The following LNX2 variants were observed in gnomAD, a reference collection of about 807,000 sequenced individuals.
LNX2 encodes the protein ligand of Numb protein X 2.
Under a neutral mutation model 66.2 loss-of-function variants are expected in LNX2, and 35 were observed. The ratio of observed to expected loss-of-function variants is 0.53; its 90% CI spans 0.40 to 0.70. The LOEUF (loss-of-function observed/expected upper bound fraction) is 0.70. Among genes scored for constraint, LNX2 ranks in the 30% least tolerant of loss-of-function variants. LNX2 has a pLI of 0.00. For missense variants in LNX2, 791 were observed against 850.8 expected, an observed-to-expected ratio of 0.93 and a Z score of 0.87; for synonymous variants, 337 against 315.6, an observed-to-expected ratio of 1.07 and a Z score of -0.72.
chr13:27,572,581 T>C (rs1043133436), intron 2 of LNX2, among the ~76,000 whole-genome samples: 3 of 152,150 alleles, frequency 2.0e-5, no homozygotes, highest in Non-Finnish European at 4.4e-5. Context: ...CAAATAGGGA[T>C]TTTTCCTTTC....
chr13:27,582,962 CT>C (rs1206736831), intron 1 of LNX2, among the ~76,000 whole-genome samples: 2 of 152,222 alleles, frequency 1.3e-5, no homozygotes, highest in East Asian at 3.9e-4. Flanking sequence ...TGAATACTCT[CT>C]CCATATGTCA....
At chr13:27,609,840 T>C (rs1303389335) in intron 1 of LNX2, among the ~76,000 whole-genome samples, 1 of 152,196 alleles carries the variant, frequency 6.6e-6, no homozygotes, top group East Asian at 1.9e-4. Flanking sequence ...TTTCTTAATG[T>C]TATCATACTC....
At position 27,548,448 on chromosome 13, in the gene LNX2, C is replaced by T. The variant is rs746076926; in HGVS notation, c.1960G>A (p.Val654Ile). Residue 654 changes from valine to isoleucine, a missense_variant, in exon 10 of 10, where the codon GTA (valine) becomes ATA (isoleucine). Coordinates refer to ENST00000316334, the MANE Select transcript of LNX2 (RefSeq NM_153371.4). ...ATGCCCACGGTTGACAGCCCATTTA[C>T]GGCCACAATCATGTCACCACACCTG... ...RLKCGDMIVA[V>I]NGLSTVGMSH... The T allele has an allele frequency of 7.4e-6, 12 of 1,613,808 alleles. No homozygotes were observed. The highest frequency in any genetic ancestry group is 4.0e-5 in the African/African-American group (3 of 74,914).
At chr13:27,608,253 G>C (rs1024699194) in intron 1 of LNX2, among the ~76,000 whole-genome samples, 7 of 152,144 alleles carry the variant, frequency 4.6e-5, no homozygotes, top group African/African-American at 7.2e-5. Context: ...ATTTTGCCTT[G>C]TCACAACTCT....
chr13:27,607,064 C>T (rs1030979185), intron 1 of LNX2, among the ~76,000 whole-genome samples: 3 of 152,050 alleles, frequency 2.0e-5, no homozygotes, highest in African/African-American at 7.2e-5. Context: ...AAGTTATTTC[C>T]TATCATAAAA....
At position 27,583,215 on chromosome 13, in the gene LNX2, T is replaced by TGCGCGCGC. The variant is rs1449791231; in HGVS notation, c.-100-1413_-100-1412insGCGCGCGC. Among the ~76,000 whole-genome samples the TGCGCGCGC allele has an allele frequency of 6.3e-3, 144 of 22,992 alleles. 22 individuals carry two copies. Among genetic ancestry groups the TGCGCGCGC allele is most frequent in the Middle Eastern group, 0.022 (1 of 46 alleles). The allele number at this position is 22,992 out of a possible 152,430, so 15.1% of individuals were successfully genotyped here. A position where few individuals can be genotyped will look rare whatever the true frequency, so the allele number is the denominator to read the frequency against. On this transcript the variant is annotated intron_variant, in intron 1 of 9. Coordinates refer to ENST00000316334, the MANE Select transcript of LNX2 (RefSeq NM_153371.4). ...GTGTGTGTGTGTGTGTGTGTGTGTGTGTGTGTGTGTGTGTGTGTGTGTGTG... is the reference window on the plus strand; with the variant it reads ...GTGTGTGTGTGTGTGTGTGTGTGTGTGCGCGCGCGTGTGTGTGTGTGTGTGTGTGTGTG...
intron 3 of LNX2, among the ~76,000 whole-genome samples, chr13:27,568,581 A>C (rs188785979): frequency 3.3e-5 from 5 of 152,268 alleles, no homozygotes; most frequent in South Asian, 4.1e-4. Flanking sequence ...TAAAAAAAAA[A>C]CAAAAACCCA....
At chr13:27,559,347 C>T (rs183437766) in intron 6 of LNX2, among the ~76,000 whole-genome samples, 11 of 139,366 alleles carry the variant, frequency 7.9e-5, no homozygotes, top group Admixed American at 3.5e-4. Context: ...CTATCAAATA[C>T]GTAAATATGC....
At chr13:27,556,745 A>G (rs1254811592) in intron 6 of LNX2, among the ~76,000 whole-genome samples, 1 of 152,194 alleles carries the variant, frequency 6.6e-6, no homozygotes, top group Non-Finnish European at 1.5e-5. Context: ...GATGCTTTTG[A>G]GTTTTAAGAT....
At chr13:27,595,874 C>G in intron 1 of LNX2, among the ~76,000 whole-genome samples, 1 of 152,172 alleles carries the variant, frequency 6.6e-6, no homozygotes, top group South Asian at 2.1e-4. Context: ...CCCTGGCCCC[C>G]AACAACATAC....
At chr13:27,554,712 G>A (rs1353766665) in intron 7 of LNX2, among the ~76,000 whole-genome samples, 1 of 152,092 alleles carries the variant, frequency 6.6e-6, no homozygotes, top group African/African-American at 2.4e-5. Context: ...ACAAGTTTTC[G>A]TATGAACAGC....
chr13:27,589,067 A>G (rs1212439709), intron 1 of LNX2, among the ~76,000 whole-genome samples: 1 of 152,240 alleles, frequency 6.6e-6, no homozygotes, highest in East Asian at 1.9e-4. Flanking sequence ...TGACTGATAT[A>G]CAGCATCGAA....
chr13:27,559,872 T>C lies in LNX2; in HGVS notation c.1338A>G (p.Pro446=), dbSNP rs1312484549. 1 of 1,607,494 alleles carries C rather than the reference T, an allele frequency of 6.2e-7. No homozygotes were observed. Among genetic ancestry groups the C allele is most frequent in the Non-Finnish European group, 8.5e-7 (1 of 1,175,944 alleles). ...HSSSSQHHTP[P]PYYSRPSSHK... is the part of the protein sequence containing the mutation. Reference sequence around the variant, plus strand: ...GTGAGCTTGGTCTGCTATAATACGGTGGTGGTGTGTGGTGCTGGCTGCTGC... The same window carrying C: ...GTGAGCTTGGTCTGCTATAATACGGCGGTGGTGTGTGGTGCTGGCTGCTGC... Residue 446 remains proline (P), a synonymous_variant, in exon 6 of 10, where the codon CCA becomes CCG. Transcript: ENST00000316334.
rs774446084 is a variant in LNX2, at chr13:27,581,738, TC to T, written c.-36del. The T allele has an allele frequency of 1.8e-5, 27 of 1,534,142 alleles. No individual in the cohort carries two copies. The highest frequency in any genetic ancestry group is 2.3e-5 in the Non-Finnish European group (26 of 1,137,920). ...ATTCTGTATCCTCATGTGTTAGACTTCCACTTCACGCTTGGTTTCCTTTAAC... is the reference window on the plus strand; with the variant it reads ...ATTCTGTATCCTCATGTGTTAGACTTCACTTCACGCTTGGTTTCCTTTAAC... On this transcript the variant is annotated 5_prime_UTR_variant, in exon 2 of 10. Coordinates refer to ENST00000316334, the MANE Select transcript of LNX2 (RefSeq NM_153371.4).
At position 27,546,220 on chromosome 13, in the gene LNX2, C is replaced by T. The variant is rs1229960371; in HGVS notation, c.*2115G>A. 5 of 151,966 alleles carry T rather than the reference C, an allele frequency of 3.3e-5. No individual in the cohort carries two copies. The highest frequency in any genetic ancestry group is 7.3e-5 in the African/African-American group (3 of 41,362). The allele number at this position is 151,966 out of a possible 1,614,324, so 9.4% of individuals were successfully genotyped here. ...TCTTCTTTCAAAATACTCATTATGC[C>T]ACCAGGTTCAATGTAAGTATTTTGT... On this transcript the variant is annotated 3_prime_UTR_variant, in exon 10 of 10. Transcript: ENST00000316334.
Position 27,553,365 on chromosome 13 carries a change from C to T in LNX2, c.1621G>A (p.Ala541Thr), listed in dbSNP as rs749278489. The stretch of plus-strand genomic sequence containing the variant: ...GCAACAGCAGGGGACGCGGCACTGG[C>T]TTTCAGCATTGCAACTGCCTCACTG... ...SHSEAVAMLK[A>T]SAASPAVALK... The change falls in exon 8 of 10, where the codon GCC (alanine) becomes ACC (threonine). Residue 541 changes from alanine to threonine, a missense_variant. Transcript: ENST00000316334. The T allele has an allele frequency of 1.2e-6, 2 of 1,614,182 alleles. No individual in the cohort carries two copies. Among genetic ancestry groups the T allele is most frequent in the East Asian group, 2.2e-5 (1 of 44,876 alleles).
chr13:27,556,743 T>C (rs1484515492), intron 6 of LNX2, among the ~76,000 whole-genome samples: 2 of 152,218 alleles, frequency 1.3e-5, no homozygotes, highest in Admixed American at 6.5e-5. Context: ...ATGATGCTTT[T>C]GAGTTTTAAG....
At chr13:27,587,569 G>A (rs1955501221) in intron 1 of LNX2, among the ~76,000 whole-genome samples, 1 of 152,128 alleles carries the variant, frequency 6.6e-6, no homozygotes, top group Non-Finnish European at 1.5e-5. Context: ...ATCAACATAT[G>A]AACCCAGCCC....
chr13:27,583,261 C>CGCGCGTGTGGGCGT (rs11281345), intron 1 of LNX2, among the ~76,000 whole-genome samples: 1 of 45,480 alleles, frequency 2.2e-5, no homozygotes. Flanking sequence ...TGTGTGCGCG[C>CGCGCGTGTGGGCGT]GTCCTCTCCA....
Sources: allele counts gnomAD v4.1 joint callset (sites outside exome capture counted in the v4.1 genomes callset), GRCh38; gene constraint gnomAD v4.1.1; transcripts MANE v1.5; gene names NCBI Gene and HGNC (gene_info 2026-07-23, HGNC 2026-07-21).